METTL15: variants seen among roughly 807,000 people sequenced by gnomAD.
METTL15 encodes methyltransferase 15, mitochondrial 12S rRNA N4-cytidine, also known as 12S rRNA N(4)-cytidine methyltransferase METTL15.
Under a neutral mutation model 38.3 loss-of-function variants are expected in METTL15, and 34 were observed. The ratio of observed to expected loss-of-function variants is 0.89; its 90% CI spans 0.68 to 1.18. The LOEUF (loss-of-function observed/expected upper bound fraction) is 1.18. Among genes scored for constraint, METTL15 ranks in the 50% most tolerant of loss-of-function variants. The pLI is 0.00. For synonymous variants in METTL15, 162 were observed against 170.9 expected, an observed-to-expected ratio of 0.95 and a Z score of 0.41; for missense variants, 438 against 498.4, an observed-to-expected ratio of 0.88 and a Z score of 1.15.
At chr11:28,406,755 C>G (rs1850677671) in intron 5 of METTL15, among the ~76,000 whole-genome samples, 1 of 152,104 alleles carries the variant, frequency 6.6e-6, no homozygotes, top group South Asian at 2.1e-4. Context: ...GCACACTTGT[C>G]TTGTGCCAGT....
At chr11:28,132,710 G>T (rs1849378825) in intron 3 of METTL15, among the ~76,000 whole-genome samples, 1 of 151,996 alleles carries the variant, frequency 6.6e-6, no homozygotes, top group South Asian at 2.1e-4. Context: ...CATTTCAGGA[G>T]AATTATTTCA....
chr11:28,254,560 G>A (rs1216029877), intron 4 of METTL15, among the ~76,000 whole-genome samples: 1 of 152,100 alleles, frequency 6.6e-6, no homozygotes, highest in African/African-American at 2.4e-5. Context: ...TCTTTGTCCA[G>A]TTCAGTGTCT....
Position 28,109,758 on chromosome 11 carries a change from A to C in METTL15, c.-253-408A>C, listed in dbSNP as rs555053474. On this transcript the variant is annotated intron_variant, in intron 1 of 6. Coordinates refer to ENST00000407364, the MANE Select transcript of METTL15 (RefSeq NM_001113528.2). The stretch of plus-strand genomic sequence containing the variant: ...ATTGTATAAGGTTTATCAGTGCCAC[A>C]GATGTTTTCACACCTAATCCAAGTA... 9.2e-5 allele frequency among the ~76,000 whole-genome samples: 14 copies of C among 152,350 alleles called. No individual in the cohort carries two copies. In the South Asian group the frequency reaches 1.4e-3, roughly 16 times the overall value.
At chr11:28,247,435 C>T (rs1384564427) in intron 4 of METTL15, among the ~76,000 whole-genome samples, 2 of 151,946 alleles carry the variant, frequency 1.3e-5, no homozygotes, top group Non-Finnish European at 2.9e-5. Context: ...TTCATAATTC[C>T]TTAGGACACA....
At chr11:28,320,950 A>G (rs1219796018) in intron 6 of METTL15, among the ~76,000 whole-genome samples, 2 of 152,188 alleles carry the variant, frequency 1.3e-5, no homozygotes, top group African/African-American at 4.8e-5. Context: ...GGAAAATTTT[A>G]TACTTCATTT....
At chr11:28,364,908 G>T (rs1850171609) in intron 5 of METTL15, among the ~76,000 whole-genome samples, 1 of 152,128 alleles carries the variant, frequency 6.6e-6, no homozygotes, top group South Asian at 2.1e-4. Flanking sequence ...TTTTAAAGAA[G>T]ACTTTTTCTG....
chr11:28,459,397 A>G (rs190511465), intron 6 of METTL15, among the ~76,000 whole-genome samples: 48 of 152,298 alleles, frequency 3.2e-4, no homozygotes, highest in African/African-American at 1.1e-3. Context: ...CAAAAATATG[A>G]CAGCCAGGAA....
At chr11:28,241,791 A>G (rs1175620578) in intron 4 of METTL15, among the ~76,000 whole-genome samples, 2 of 152,182 alleles carry the variant, frequency 1.3e-5, no homozygotes, top group African/African-American at 4.8e-5. Context: ...AGGAAAAGCA[A>G]AGATGCCCAT....
intron 6 of METTL15, among the ~76,000 whole-genome samples, chr11:28,435,323 A>C (rs575990924): frequency 1.5e-4 from 23 of 152,326 alleles, no homozygotes; most frequent in African/African-American, 4.3e-4. Context: ...ACGAGGACAG[A>C]ATAACCTATA....
downstream of METTL15, among the ~76,000 whole-genome samples, chr11:28,337,669 C>CT (rs537827599): frequency 6.6e-5 from 10 of 152,126 alleles, no homozygotes; most frequent in East Asian, 7.7e-4. Flanking sequence ...GTAAGTGCAC[C>CT]TTTTTTTATC....
chr11:28,185,259 C>T (rs1255659542), intron 3 of METTL15, among the ~76,000 whole-genome samples: 1 of 151,270 alleles, frequency 6.6e-6, no homozygotes, highest in Admixed American at 6.6e-5. Flanking sequence ...AATAACGAAA[C>T]ACTAGAATTA....
intron 5 of METTL15, among the ~76,000 whole-genome samples, chr11:28,404,450 G>C (rs1252685613): frequency 6.6e-6 from 1 of 152,012 alleles, no homozygotes; most frequent in Non-Finnish European, 1.5e-5. Context: ...CTGGTTTATA[G>C]GTGGCATCTT....
At chr11:28,516,724 G>A (rs1449715739) in intron 6 of METTL15, 1 of 152,108 alleles carries the variant, frequency 6.6e-6, no homozygotes, top group African/African-American at 2.4e-5. Context: ...ATGAGGGACT[G>A]GTTTAGCATG....
chr11:28,464,054 C>T (rs996694336), intron 6 of METTL15, among the ~76,000 whole-genome samples: 9 of 152,118 alleles, frequency 5.9e-5, no homozygotes, highest in African/African-American at 2.2e-4. Flanking sequence ...ATGCTGGCGT[C>T]ATCTCAGCAA....
At chr11:28,221,959 C>G (rs1157312960) in intron 4 of METTL15, among the ~76,000 whole-genome samples, 1 of 152,158 alleles carries the variant, frequency 6.6e-6, no homozygotes, top group African/African-American at 2.4e-5. Flanking sequence ...GTTAGTCTGC[C>G]TCTACTGGGG....
At chr11:28,189,681 A>C (rs1180276938) in intron 3 of METTL15, among the ~76,000 whole-genome samples, 1 of 151,260 alleles carries the variant, frequency 6.6e-6, no homozygotes, top group African/African-American at 2.4e-5. Context: ...TTACAAGAGT[A>C]AGCTTTCATG....
chr11:28,419,362 C>T (rs181835810), intron 5 of METTL15, among the ~76,000 whole-genome samples: 1 of 152,274 alleles, frequency 6.6e-6, no homozygotes, highest in East Asian at 1.9e-4. Context: ...GCCTGGTAAT[C>T]TATAAAATTC....
intron 6 of METTL15, among the ~76,000 whole-genome samples, chr11:28,443,216 G>T (rs1851049321): frequency 6.6e-6 from 1 of 151,840 alleles, no homozygotes; most frequent in South Asian, 2.1e-4. Flanking sequence ...TAACCTAGCA[G>T]CATCTTTTGA....
intron 4 of METTL15, among the ~76,000 whole-genome samples, chr11:28,352,810 A>G (rs1278986204): frequency 6.6e-6 from 1 of 152,208 alleles, no homozygotes; most frequent in Non-Finnish European, 1.5e-5. Context: ...AACAGCAAAA[A>G]CTGACAGCTC....
Sources: gnomAD v4.1 joint callset for allele counts (sites outside exome capture counted in the v4.1 genomes callset) on GRCh38, gnomAD v4.1.1 for gene constraint, MANE v1.5 for transcripts, NCBI Gene and HGNC (gene_info 2026-07-23, HGNC 2026-07-21) for gene names.